Variants in HSD17B3 observed in about 807,000 individuals in gnomAD.
The protein encoded by HSD17B3 is 17-beta-hydroxysteroid dehydrogenase type 3.
Under a neutral mutation model 41.1 loss-of-function variants are expected in HSD17B3, and 29 were observed. The observed-to-expected ratio is 0.71, with a 90% CI of 0.53 to 0.96. HSD17B3 has a LOEUF of 0.96. Ranked by LOEUF, HSD17B3 falls within the 40% of genes least tolerant of loss-of-function variation. HSD17B3 has a pLI of 0.00. For synonymous variants in HSD17B3, 126 were observed against 145.6 expected, an observed-to-expected ratio of 0.87 and a Z score of 0.97; for missense variants, 323 against 374.6, an observed-to-expected ratio of 0.86 and a Z score of 1.14.
rs545665287 is a variant in HSD17B3 at position 96,248,679 on chromosome 9, G to A, written c.489+1072C>T. On this transcript the variant is annotated intron_variant, in intron 6 of 10. Transcript: ENST00000375263. ...CAAGCCACGTGTCCTAGTAGAGGAA[G>A]AGGGCTTTATCCCCAGAGGAAGGGG... Among the ~76,000 whole-genome samples the A allele has an allele frequency of 4.6e-5, 7 of 152,338 alleles. No individual in the cohort carries two copies. The South Asian group carries it at 1.0e-3, about 23-fold the overall frequency.
chr9:96,279,882 G>A (rs1826617805), intron 2 of HSD17B3, among the ~76,000 whole-genome samples: 1 of 151,922 alleles, frequency 6.6e-6, no homozygotes, highest in South Asian at 2.1e-4. Context: ...CCATTCTCCT[G>A]CCTCAGCCTC....
At chr9:96,266,519 C>T (rs143564899) in intron 2 of HSD17B3, among the ~76,000 whole-genome samples, 172 of 152,218 alleles carry the variant, frequency 1.1e-3, no homozygotes, top group African/African-American at 3.9e-3. Flanking sequence ...ATCCTCCTGC[C>T]GCAGCCTCCC....
intron 2 of HSD17B3, among the ~76,000 whole-genome samples, chr9:96,280,632 T>C (rs1347969375): frequency 6.6e-6 from 1 of 152,114 alleles, no homozygotes. Flanking sequence ...TCAGAGGTAT[T>C]TGAGCCACAG....
chr9:96,272,432 TATATATATATATATAAA>T (rs1344222407), intron 2 of HSD17B3, among the ~76,000 whole-genome samples: 3 of 98,448 alleles, frequency 3.0e-5, no homozygotes, highest in African/African-American at 1.1e-4. Flanking sequence ...TATATATATA[TATATATATATATATAAA>T]ATATATATGA....
At chr9:96,273,669 G>A (rs901464573) in intron 2 of HSD17B3, among the ~76,000 whole-genome samples, 4 of 152,058 alleles carry the variant, frequency 2.6e-5, no homozygotes, top group Non-Finnish European at 4.4e-5. Flanking sequence ...CCTCAACTCT[G>A]ACACCAGGAG....
At chr9:96,288,810 G>A (rs971429118) in intron 2 of HSD17B3, among the ~76,000 whole-genome samples, 2 of 151,982 alleles carry the variant, frequency 1.3e-5, no homozygotes, top group African/African-American at 2.4e-5. Flanking sequence ...TGGTGTGGGC[G>A]CCTGTAGTCC....
chr9:96,259,995 A>C (rs1825804320), intron 2 of HSD17B3, among the ~76,000 whole-genome samples: 2 of 152,106 alleles, frequency 1.3e-5, no homozygotes, highest in African/African-American at 4.8e-5. Flanking sequence ...GACACCTCCT[A>C]TACAATGTTA....
chr9:96,302,149 T>C lies in HSD17B3; in HGVS notation c.-45A>G, dbSNP rs199678489. The C allele has an allele frequency of 1.9e-6, 3 of 1,603,786 alleles. No homozygotes were observed. Among genetic ancestry groups the C allele is most frequent in the East Asian group, 2.3e-5 (1 of 44,286 alleles). On this transcript the variant is annotated 5_prime_UTR_variant, in exon 1 of 11. Transcript: ENST00000375263. ...TTTCAGCCCTGGCCGTGGCTCTCTG[T>C]GTATGCCTCCTGGGACCACGCTGCT...
chr9:96,281,700 G>A (rs1453375135), intron 2 of HSD17B3, among the ~76,000 whole-genome samples: 2 of 152,012 alleles, frequency 1.3e-5, no homozygotes, highest in African/African-American at 2.4e-5. Flanking sequence ...TGTGGTACAC[G>A]GGGAACTTTT....
chr9:96,272,070 T>G (rs1403065722), intron 2 of HSD17B3, among the ~76,000 whole-genome samples: 1 of 151,722 alleles, frequency 6.6e-6, no homozygotes, highest in Non-Finnish European at 1.5e-5. Flanking sequence ...TCTCTTTGAG[T>G]TAAAAATACA....
At chr9:96,255,407 T>G (rs1178881601) in intron 2 of HSD17B3, among the ~76,000 whole-genome samples, 2 of 101,648 alleles carry the variant, frequency 2.0e-5, no homozygotes, top group African/African-American at 8.6e-5. Context: ...TTTTTTTTTT[T>G]GCAATAGAGT....
chr9:96,276,098 C>A (rs1587763663), intron 2 of HSD17B3, among the ~76,000 whole-genome samples: 1 of 115,834 alleles, frequency 8.6e-6, no homozygotes. Context: ...AGAGTGAGAT[C>A]CTGTCTCATA....
intron 5 of HSD17B3, chr9:96,250,157 T>C (rs936252234): frequency 8.1e-7 from 1 of 1,238,464 alleles, no homozygotes; most frequent in African/African-American, 1.5e-5. Flanking sequence ...GACAAATGGT[T>C]GTATAATATA....
Position 96,255,108 on chromosome 9 carries a change from A to T in HSD17B3, c.202-165T>A, listed in dbSNP as rs142543149. ...TGTGACAAAGCTTTCTGGGCTAGGA[A>T]CAACACAACCCCAATGGGCCAGGCT... On this transcript the variant is annotated intron_variant, in intron 2 of 10. Transcript: ENST00000375263. 1.7e-3 allele frequency among the ~76,000 whole-genome samples: 261 copies of T among 152,240 alleles called. 2 individuals are homozygous for T. The Middle Eastern group carries it at 0.02, about 12-fold the overall frequency.
chr9:96,298,523 T>C lies in HSD17B3; in HGVS notation c.155-61A>G, dbSNP rs1827450793. The C allele has an allele frequency of 4.9e-6, 7 of 1,433,590 alleles. No homozygotes were observed. The Middle Eastern group carries it at 6.9e-4, about 142-fold the overall frequency. The allele number at this position is 1,433,590 out of a possible 1,614,324, so 88.8% of individuals were successfully genotyped here. ...TCATCTTTAAACTTCTCTTTCTCAC[T>C]GGCCACGTTTTCTCACAAGCCTAGT... On this transcript the variant is annotated intron_variant, in intron 1 of 10. Transcript: ENST00000375263.
intron 2 of HSD17B3, among the ~76,000 whole-genome samples, chr9:96,261,743 C>T (rs1189832618): frequency 6.6e-6 from 1 of 152,238 alleles, no homozygotes; most frequent in Admixed American, 6.5e-5. Flanking sequence ...TCTTTGTCCT[C>T]CCTCCTGTGC....
In HSD17B3 at chr9:96,295,246, C is replaced by G. The variant is rs1459557058; in HGVS notation, c.201+3170G>C. Among the ~76,000 whole-genome samples, 4 of 151,516 alleles carry G rather than the reference C, an allele frequency of 2.6e-5. No individual in the cohort carries two copies. The East Asian group carries it at 7.8e-4, about 29-fold the overall frequency. On this transcript the variant is annotated intron_variant, in intron 2 of 10. Transcript: ENST00000375263. ...GGTCTGGAACTCCTGACCTCATGAT[C>G]TGCCCACCTTGGCCTCCCAAAGTGT...
At chr9:96,250,044 AC>A in intron 5 of HSD17B3, 1 of 1,422,072 alleles carries the variant, frequency 7.0e-7, no homozygotes, top group Admixed American at 2.9e-5. Context: ...AAAACTCGGA[AC>A]TATATTCCTG....
At chr9:96,298,346 T>G in intron 2 of HSD17B3, 70 bp downstream of exon 2, 2 of 1,177,316 alleles carry the variant, frequency 1.7e-6, no homozygotes, top group Non-Finnish European at 2.6e-6. Flanking sequence ...AATCTAGTGT[T>G]GGGGTGGATG....
Sources: allele counts gnomAD v4.1 joint callset (sites outside exome capture counted in the v4.1 genomes callset), GRCh38; gene constraint gnomAD v4.1.1; transcripts MANE v1.5; gene names NCBI Gene and HGNC (gene_info 2026-07-23, HGNC 2026-07-21).